TRPS1: variants seen among roughly 807,000 people sequenced by gnomAD.
TRPS1 encodes the protein zinc finger transcription factor Trps1.
In TRPS1, 6 loss-of-function variants were observed where a neutral mutation model predicts 101.2. That is an observed-to-expected ratio of 0.06 (90% CI 0.03 to 0.12). The LOEUF (loss-of-function observed/expected upper bound fraction) is 0.12. TRPS1 is among the 10% of genes least tolerant of loss of function. The pLI, the probability that TRPS1 is intolerant of heterozygous loss-of-function variation, is 1.00. For synonymous variants in TRPS1, 578 were observed against 589.8 expected (o/e 0.98, Z 0.29); for missense variants, 1,363 against 1,567.0 (o/e 0.87, Z 2.20).
chr8:115,616,909 A>C (rs1382607104), intron 3 of TRPS1, among the ~76,000 whole-genome samples: 1 of 152,202 alleles, frequency 6.6e-6, no homozygotes, highest in Non-Finnish European at 1.5e-5. Flanking sequence ...AGGAAATTTC[A>C]GATGCGTTTT....
intron 3 of TRPS1, among the ~76,000 whole-genome samples, chr8:115,611,432 A>T (rs992895023): frequency 3.3e-5 from 5 of 152,220 alleles, no homozygotes; most frequent in African/African-American, 1.2e-4. Flanking sequence ...AAAAAGAATG[A>T]CATAGTCAAA....
In TRPS1 at chr8:115,408,496, T is replaced by C. The variant is rs1812708812; in HGVS notation, c.*5527A>G. The C allele has an allele frequency of 6.9e-6, 1 of 145,104 alleles. No individual in the cohort carries two copies. Among genetic ancestry groups the C allele is most frequent in the East Asian group, 2.1e-4 (1 of 4,676 alleles). The allele number at this position is 145,104 out of a possible 1,614,324, so 9.0% of individuals were successfully genotyped here. ...CATATAAACCATACCAACGCCGTTA[T>C]GTGTAACTGGTGGTAAAACTTTATT... On this transcript the variant is annotated 3_prime_UTR_variant, in exon 7 of 7. Transcript: ENST00000395715.
intron 5 of TRPS1, among the ~76,000 whole-genome samples, chr8:115,568,911 C>T (rs1817136349): frequency 6.6e-6 from 1 of 152,048 alleles, no homozygotes; most frequent in Non-Finnish European, 1.5e-5. Context: ...AGATGGTTAG[C>T]CAAGTTCTAT....
chr8:115,438,905 C>T (rs993990342), intron 5 of TRPS1, among the ~76,000 whole-genome samples: 2 of 152,152 alleles, frequency 1.3e-5, no homozygotes, highest in Non-Finnish European at 2.9e-5. Context: ...AGATTTATTC[C>T]TTTTGCTAGG....
intron 5 of TRPS1, among the ~76,000 whole-genome samples, chr8:115,446,723 A>G (rs966411738): frequency 6.6e-6 from 1 of 152,186 alleles, no homozygotes; most frequent in Non-Finnish European, 1.5e-5. Context: ...ATAGATAACA[A>G]TCATGAACCC....
intron 1 of TRPS1, among the ~76,000 whole-genome samples, chr8:115,628,925 T>C (rs1215666869): frequency 6.6e-6 from 1 of 151,880 alleles, no homozygotes; most frequent in Non-Finnish European, 1.5e-5. Context: ...ATCCACAATG[T>C]ACATTAGCGT....
chr8:115,463,548 T>C (rs1305960130), intron 5 of TRPS1, among the ~76,000 whole-genome samples: 14 of 152,228 alleles, frequency 9.2e-5, no homozygotes, highest in Admixed American at 5.2e-4. Flanking sequence ...TCTGCCCAGC[T>C]GCTGACCACA....
At chr8:115,545,769 T>C (rs1163847638) in intron 5 of TRPS1, among the ~76,000 whole-genome samples, 2 of 152,192 alleles carry the variant, frequency 1.3e-5, no homozygotes, top group Non-Finnish European at 2.9e-5. Context: ...CTTTTAGTTA[T>C]ACTTGATGAA....
chr8:115,529,547 T>C (rs1203722071), intron 5 of TRPS1, among the ~76,000 whole-genome samples: 11 of 152,110 alleles, frequency 7.2e-5, no homozygotes, highest in Non-Finnish European at 1.5e-5. Flanking sequence ...TCTTTCAACA[T>C]CTTAGTGCAG....
In TRPS1 at chr8:115,409,919, CT is replaced by C. The variant is rs71287271; in HGVS notation, c.*4103del. The stretch of plus-strand genomic sequence containing the variant: ...ACCAAAGACGACTTGATCTTTTTTT[CT>C]TTTTTTTTTTTTGCCATGGCTCTCA... On this transcript the variant is annotated 3_prime_UTR_variant, in exon 7 of 7. Transcript: ENST00000395715. 8.0e-4 allele frequency: 115 copies of C among 143,394 alleles called. No homozygotes were observed. The highest frequency in any genetic ancestry group is 8.1e-4 in the Non-Finnish European group (53 of 65,744). 8.9% of individuals were successfully genotyped at this position (143,394 alleles called of 1,614,324 possible).
At chr8:115,559,465 G>A (rs775626817) in intron 5 of TRPS1, among the ~76,000 whole-genome samples, 6 of 151,994 alleles carry the variant, frequency 3.9e-5, no homozygotes, top group African/African-American at 7.2e-5. Flanking sequence ...TAGGTCTCAC[G>A]CACCACAAAT....
intron 6 of TRPS1, among the ~76,000 whole-genome samples, chr8:115,416,372 G>C (rs1343591876): frequency 1.3e-5 from 2 of 151,332 alleles, no homozygotes; most frequent in African/African-American, 4.8e-5. Flanking sequence ...TAAAAATTTA[G>C]GGTAATCTTT....
intron 4 of TRPS1, among the ~76,000 whole-genome samples, chr8:115,591,338 G>C (rs1044981671): frequency 1.3e-5 from 2 of 152,142 alleles, no homozygotes; most frequent in African/African-American, 4.8e-5. Flanking sequence ...TCTGAATAAA[G>C]ATGAAGGAAT....
At chr8:115,660,367 A>C (rs1811764322) in intron 1 of TRPS1, among the ~76,000 whole-genome samples, 1 of 151,982 alleles carries the variant, frequency 6.6e-6, no homozygotes, top group African/African-American at 2.4e-5. Flanking sequence ...AGGTATTTTT[A>C]GTGTTTAAAT....
intron 6 of TRPS1, 135 bp from the exon 7 acceptor site, chr8:115,415,219 C>T: frequency 1.0e-6 from 1 of 967,284 alleles, no homozygotes; most frequent in South Asian, 1.9e-5. Flanking sequence ...TTTACTAAAT[C>T]TCCTCCTTTT....
At chr8:115,530,829 G>A (rs1421133859) in intron 5 of TRPS1, among the ~76,000 whole-genome samples, 3 of 152,068 alleles carry the variant, frequency 2.0e-5, no homozygotes, top group Admixed American at 1.3e-4. Flanking sequence ...CTATCTCAAG[G>A]ACAGAAAACC....
chr8:115,648,448 C>A (rs1412610094), intron 1 of TRPS1, among the ~76,000 whole-genome samples: 1 of 152,212 alleles, frequency 6.6e-6, no homozygotes, highest in Non-Finnish European at 1.5e-5. Context: ...AGGCCCGGGG[C>A]TCCTGCGAGA....
Position 115,603,902 on chromosome 8 carries a change from T to C in TRPS1, c.2067A>G (p.Gln689=). ...HSCTKCDFIT[Q]VEEEISRHYR... is the part of the protein sequence containing the mutation. Reference sequence around the variant, plus strand: ...AGTGTCGGGAAATCTCTTCTTCCACTTGGGTAATAAAATCACATTTGGTAC... The same window carrying C: ...AGTGTCGGGAAATCTCTTCTTCCACCTGGGTAATAAAATCACATTTGGTAC... The change falls in exon 4 of 7, where the codon CAA becomes CAG. Residue 689 remains glutamine (Q), a synonymous_variant. Coordinates refer to ENST00000395715, the MANE Select transcript of TRPS1 (RefSeq NM_014112.5). The C allele has an allele frequency of 1.2e-6, 2 of 1,613,964 alleles. No homozygotes were observed. Among genetic ancestry groups the C allele is most frequent in the Non-Finnish European group, 1.7e-6 (2 of 1,179,922 alleles).
chr8:115,623,827 T>A, intron 1 of TRPS1, 69 bp from the exon 2 acceptor site: 2 of 1,335,454 alleles, frequency 1.5e-6, no homozygotes, highest in Non-Finnish European at 1.9e-6. Flanking sequence ...GTATCACACC[T>A]AAAATATATT....
Sources: allele counts gnomAD v4.1 joint callset (sites outside exome capture counted in the v4.1 genomes callset), GRCh38; gene constraint gnomAD v4.1.1; transcripts MANE v1.5; gene names NCBI Gene and HGNC (gene_info 2026-07-23, HGNC 2026-07-21).